CHN2: variants seen among roughly 807,000 people sequenced by gnomAD.
The protein encoded by CHN2 is chimerin 2, also known as beta-chimaerin.
CHN2 carries 35 observed loss-of-function variants against 56.3 expected under a neutral mutation model. That is an observed-to-expected ratio of 0.62 (90% CI 0.47 to 0.82). The LOEUF is 0.82. CHN2 is among the 40% of genes least tolerant of loss of function. The probability of loss-of-function intolerance (pLI) is 0.00; values close to 1 mark genes in which losing one functional copy is unlikely to be tolerated. For missense variants in CHN2, 491 were observed against 580.5 expected (o/e 0.85, Z 1.58); for synonymous variants, 210 against 212.8 (o/e 0.99, Z 0.12).
At position 29,175,386 on chromosome 7, in the gene CHN2, G is replaced by C. The variant is rs945758358; in HGVS notation, c.274+28426G>C. ...AGAGGGGGTTTCACCATATTGGCAA[G>C]GCTGGTCTCAAACTCCAGACTTCGG... On this transcript the variant is annotated intron_variant, in intron 2 of 6. Coordinates refer to the CHN2 transcript ENST00000439384. 3.3e-5 allele frequency among the ~76,000 whole-genome samples: 5 copies of C among 152,118 alleles called. 1 individual carries two copies. Among genetic ancestry groups the C allele is most frequent in the Admixed American group, 6.5e-5 (1 of 15,294 alleles).
chr7:29,208,522 C>T (rs547876450), intron 1 of CHN2, among the ~76,000 whole-genome samples: 10 of 152,288 alleles, frequency 6.6e-5, no homozygotes, highest in South Asian at 2.1e-4. Context: ...CAGCAGCACA[C>T]GTGGGGATGA....
chr7:29,297,644 G>A (rs1313655342), intron 1 of CHN2, among the ~76,000 whole-genome samples: 1 of 152,108 alleles, frequency 6.6e-6, no homozygotes, highest in African/African-American at 2.4e-5. Flanking sequence ...AGAGAGGGCG[G>A]CCAAAAGCCC....
chr7:29,267,188 T>C (rs1162286145), intron 1 of CHN2, among the ~76,000 whole-genome samples: 1 of 152,118 alleles, frequency 6.6e-6, no homozygotes, highest in Non-Finnish European at 1.5e-5. Context: ...GCTGTATCTT[T>C]ATGGGACAAC....
chr7:29,456,692 T>C (rs1025231988), intron 6 of CHN2, among the ~76,000 whole-genome samples: 3 of 148,472 alleles, frequency 2.0e-5, no homozygotes, highest in Non-Finnish European at 3.0e-5. Context: ...CAGAAGTCTG[T>C]GTTTTCACCG....
At chr7:29,375,515 C>T (rs1480191321) in intron 3 of CHN2, among the ~76,000 whole-genome samples, 1 of 152,118 alleles carries the variant, frequency 6.6e-6, no homozygotes, top group African/African-American at 2.4e-5. Flanking sequence ...TTCTTAACAT[C>T]TCACTTGAAA....
intron 1 of CHN2, among the ~76,000 whole-genome samples, chr7:29,221,494 G>A (rs1008443983): frequency 5.3e-5 from 8 of 151,992 alleles, no homozygotes; most frequent in African/African-American, 1.7e-4. Flanking sequence ...CGGGATGTAT[G>A]TGTAGGATGT....
intron 1 of CHN2, among the ~76,000 whole-genome samples, chr7:29,339,669 A>G (rs1312850424): frequency 1.3e-5 from 2 of 152,120 alleles, no homozygotes; most frequent in Non-Finnish European, 2.9e-5. Flanking sequence ...CCTGGCCAAC[A>G]TGGTGAAACC....
chr7:29,354,962 T>TTATTTATTTATTTATG (rs1457318323), intron 2 of CHN2, among the ~76,000 whole-genome samples: 1 of 150,224 alleles, frequency 6.7e-6, no homozygotes, highest in Non-Finnish European at 1.5e-5. Context: ...ATTTATTTAT[T>TTATTTATTTATTTATG]TATTTATTTA....
At chr7:29,197,594 G>A (rs1401615216) in intron 1 of CHN2, among the ~76,000 whole-genome samples, 1 of 152,184 alleles carries the variant, frequency 6.6e-6, no homozygotes, top group Non-Finnish European at 1.5e-5. Flanking sequence ...AATTTAGGTG[G>A]AGACATGAAT....
chr7:29,305,966 T>G (rs1187089252), intron 1 of CHN2, among the ~76,000 whole-genome samples: 3 of 151,964 alleles, frequency 2.0e-5, no homozygotes, highest in African/African-American at 7.3e-5. Flanking sequence ...TTTCTGTGTT[T>G]CATATCTAGA....
At chr7:29,364,789 C>G (rs1381760661) in intron 2 of CHN2, among the ~76,000 whole-genome samples, 5 of 152,220 alleles carry the variant, frequency 3.3e-5, no homozygotes, top group Non-Finnish European at 5.9e-5. Context: ...TGATTCAAAA[C>G]TCAAAACAAC....
At chr7:29,296,935 T>C (rs1793210498) in intron 1 of CHN2, among the ~76,000 whole-genome samples, 1 of 152,126 alleles carries the variant, frequency 6.6e-6, no homozygotes. Context: ...AGATTTGCAT[T>C]TGGGAGCTGG....
At chr7:29,373,719 T>A (rs1224909010) in intron 3 of CHN2, among the ~76,000 whole-genome samples, 1 of 152,204 alleles carries the variant, frequency 6.6e-6, no homozygotes, top group Non-Finnish European at 1.5e-5. Flanking sequence ...GTATTAATCA[T>A]ATCTAGACTT....
At chr7:29,240,486 C>T (rs1787567272) in intron 1 of CHN2, among the ~76,000 whole-genome samples, 1 of 152,178 alleles carries the variant, frequency 6.6e-6, no homozygotes, top group Non-Finnish European at 1.5e-5. Context: ...GAAAGCTAGT[C>T]TTGGGCAGGT....
At chr7:29,191,743 T>G (rs1389588262), upstream of CHN2, 1 of 152,246 alleles carries the variant, frequency 6.6e-6, no homozygotes, top group Non-Finnish European at 1.5e-5. Flanking sequence ...TTCTTTCCAC[T>G]GGCAAATAGG....
Position 29,400,608 on chromosome 7 carries a change from G to T in CHN2, c.356G>T (p.Arg119Met). Residue 119 changes from arginine (R) to methionine (M), a missense_variant, in exon 6 of 13, where the codon AGG becomes ATG. Transcript: ENST00000222792. ...GGGAAACACTTTGTGGGTGAGAAGAGGTTTGAGTCGATTCATGATCTGGTG... is the reference window on the plus strand; with the variant it reads ...GGGAAACACTTTGTGGGTGAGAAGATGTTTGAGTCGATTCATGATCTGGTG... ...HDGKHFVGEK[R>M]FESIHDLVTD... 5 of 1,614,186 alleles carry T rather than the reference G, an allele frequency of 3.1e-6. No homozygotes were observed. The highest frequency in any genetic ancestry group is 4.2e-6 in the Non-Finnish European group (5 of 1,180,038).
At chr7:29,426,570 C>T (rs1197326174) in intron 6 of CHN2, among the ~76,000 whole-genome samples, 2 of 152,176 alleles carry the variant, frequency 1.3e-5, no homozygotes, top group African/African-American at 4.8e-5. Flanking sequence ...CATATCCAGT[C>T]TCTCTGGAGT....
chr7:29,195,637 T>A (rs75081472), intron 1 of CHN2, among the ~76,000 whole-genome samples: 13,776 of 108,558 alleles, frequency 0.13, 750 homozygotes, highest in East Asian at 0.26. Flanking sequence ...AGAGTGTGTG[T>A]GTGTGTGTGT....
intron 12 of CHN2, among the ~76,000 whole-genome samples, chr7:29,512,210 T>TATGAAAGGACC (rs1486157863): frequency 6.6e-6 from 1 of 151,002 alleles, no homozygotes; most frequent in African/African-American, 2.5e-5. Flanking sequence ...GTATAAGGCC[T>TATGAAAGGACC]ATGAAAGGAC....
Sources: allele counts gnomAD v4.1 joint callset (sites outside exome capture counted in the v4.1 genomes callset), GRCh38; gene constraint gnomAD v4.1.1; transcripts MANE v1.5; gene names NCBI Gene and HGNC (gene_info 2026-07-23, HGNC 2026-07-21).